The following SLC7A6OS variants were observed in gnomAD, a reference collection of about 807,000 sequenced individuals.
SLC7A6OS encodes the protein probable RNA polymerase II nuclear localization protein SLC7A6OS.
A neutral mutation model predicts 34.3 loss-of-function variants in SLC7A6OS; 22 were observed. The observed-to-expected ratio is 0.64, with a 90% CI of 0.46 to 0.92. The LOEUF (loss-of-function observed/expected upper bound fraction) is 0.92, where lower values mean the gene tolerates loss of function less well. Among genes scored for constraint, SLC7A6OS ranks in the 40% least tolerant of loss-of-function variants. SLC7A6OS has a pLI of 0.00. For missense variants in SLC7A6OS, 434 were observed against 407.7 expected (o/e 1.06, Z -0.56); for synonymous variants, 199 against 165.0 (o/e 1.21, Z -1.58).
chr16:68,304,337 T>C lies in SLC7A6OS; in HGVS notation c.472-105A>G, dbSNP rs1246815831. The stretch of plus-strand genomic sequence containing the variant: ...GAAGGAAGGCTCCCTACAGTTTTTT[T>C]TGAGACGGAGTCTCACTCTGTCGCC... On this transcript the variant is annotated intron_variant, in intron 2 of 4. Transcript: ENST00000263997. 2.9e-6 allele frequency: 3 copies of C among 1,032,190 alleles called. No individual in the cohort carries two copies. In the East Asian group the frequency reaches 7.3e-5, roughly 25 times the overall value. 63.9% of individuals were successfully genotyped at this position (1,032,190 alleles called of 1,614,324 possible).
intron 4 of SLC7A6OS, 122 bp downstream of exon 4, chr16:68,302,259 G>A (rs2043288851): frequency 8.5e-7 from 1 of 1,172,742 alleles, no homozygotes; most frequent in African/African-American, 1.5e-5. Flanking sequence ...TGGCTCAGTT[G>A]CGGCTGGGCT....
chr16:68,301,194 C>T lies in SLC7A6OS; in HGVS notation c.*81G>A. Reference sequence around the variant, plus strand: ...CCACATGTTAAGCTAGGAAACCTAACAGGATGTCAGCAGGGCAGTTAACTC... The same window carrying T: ...CCACATGTTAAGCTAGGAAACCTAATAGGATGTCAGCAGGGCAGTTAACTC... On this transcript the variant is annotated 3_prime_UTR_variant, in exon 5 of 5. Transcript: ENST00000263997. 1.1e-5 allele frequency: 17 copies of T among 1,533,128 alleles called. No individual in the cohort carries two copies. The highest frequency in any genetic ancestry group is 1.9e-5 in the Admixed American group (1 of 52,188). 95.0% of individuals were successfully genotyped at this position (1,533,128 alleles called of 1,614,324 possible). A position where few individuals can be genotyped will look rare whatever the true frequency, so the allele number is the denominator to read the frequency against.
chr16:68,300,568 CCT>C lies in SLC7A6OS; in HGVS notation c.*705_*706del, dbSNP rs535490788. 836 of 958,116 alleles carry C rather than the reference CCT, an allele frequency of 8.7e-4. 8 individuals carry two copies. The South Asian group carries it at 0.018, about 21-fold the overall frequency. The allele number at this position is 958,116 out of a possible 1,614,324, so 59.4% of individuals were successfully genotyped here. ...TGAACCTTCTATTTCACTACCGCTC[CCT>C]GTTTTAGATATTCAGATTTAAAAGG... is the stretch of plus-strand genomic sequence containing the variant. On this transcript the variant is annotated 3_prime_UTR_variant, in exon 5 of 5. Transcript: ENST00000263997.
Position 68,299,402 on chromosome 16 carries a change from T to A in SLC7A6OS, c.*1873A>T, listed in dbSNP as rs1038502866. On this transcript the variant is annotated 3_prime_UTR_variant, in exon 5 of 5. Coordinates refer to ENST00000263997, the MANE Select transcript of SLC7A6OS (RefSeq NM_032178.3). ...AGCCATGTCATCCTCCTTTCATTTTTGGATGGTGACAGCATTTTTCCCCTC... is the reference window on the plus strand; with the variant it reads ...AGCCATGTCATCCTCCTTTCATTTTAGGATGGTGACAGCATTTTTCCCCTC... 6.6e-5 allele frequency: 10 copies of A among 152,624 alleles called. No individual in the cohort carries two copies. Among genetic ancestry groups the A allele is most frequent in the Non-Finnish European group, 1.3e-4 (9 of 68,050 alleles). 9.5% of individuals were successfully genotyped at this position (152,624 alleles called of 1,614,324 possible).
chr16:68,304,230 T>G lies in SLC7A6OS; in HGVS notation c.474A>C (p.Thr158=), dbSNP rs958363610. Residue 158 remains threonine, a splice_region_variant and synonymous_variant, in exon 3 of 5, where the codon ACA becomes ACC. Coordinates refer to ENST00000263997, the MANE Select transcript of SLC7A6OS (RefSeq NM_032178.3). ...TGCAGAGGATCACATCTGGGTCAGA[T>G]GTCTGTAAAGAAACCACAGATTACA... ...PEAASAGSCK[T]SDPDVILCNS... is the part of the protein sequence containing the mutation. 6 of 1,614,096 alleles carry G rather than the reference T, an allele frequency of 3.7e-6. No homozygotes were observed. The Admixed American group carries it at 8.3e-5, about 22-fold the overall frequency.
chr16:68,301,032 T>C lies in SLC7A6OS; in HGVS notation c.*243A>G. 1 of 1,168,506 alleles carries C rather than the reference T, an allele frequency of 8.6e-7. No homozygotes were observed. Among genetic ancestry groups the C allele is most frequent in the Non-Finnish European group, 1.1e-6 (1 of 948,408 alleles). 72.4% of individuals were successfully genotyped at this position (1,168,506 alleles called of 1,614,324 possible). On this transcript the variant is annotated 3_prime_UTR_variant, in exon 5 of 5. Coordinates refer to ENST00000263997, the MANE Select transcript of SLC7A6OS (RefSeq NM_032178.3). ...GAAACCTTCCTTTTTTCAACGTTTT[T>C]TTTTCTTTCAAACTGTAGGGTCACT...
chr16:68,309,807 T>C (rs1210533570), intron 2 of SLC7A6OS, among the ~76,000 whole-genome samples: 1 of 152,186 alleles, frequency 6.6e-6, no homozygotes, highest in Admixed American at 6.5e-5. Flanking sequence ...TGCAAGTACC[T>C]AGCAGGCATC....
intron 4 of SLC7A6OS, 67 bp from the exon 5 acceptor site, chr16:68,301,472 C>T (rs2043274473): frequency 1.4e-6 from 2 of 1,460,696 alleles, no homozygotes; most frequent in Admixed American, 3.7e-5. Flanking sequence ...AGCCCCTTCT[C>T]TTCTCAGAAA....
At chr16:68,305,755 A>G (rs1346315324) in intron 2 of SLC7A6OS, among the ~76,000 whole-genome samples, 1 of 152,222 alleles carries the variant, frequency 6.6e-6, no homozygotes, top group Non-Finnish European at 1.5e-5. Flanking sequence ...CAGTCAAATT[A>G]TGCAGCCATT....
rs568401171 is a variant in SLC7A6OS, at chr16:68,310,446, C to A, written c.360G>T (p.Glu120Asp). Residue 120 changes from glutamate (E) to aspartate (D), a missense_variant, in exon 2 of 5, where the codon GAG (glutamate) becomes GAT (aspartate). Physicochemically the swap from Glu to Asp is conservative, Grantham distance 45. Transcript: ENST00000263997. ...RSLGTTSSGQESEYTPGNPEA... is the reference protein window; with the variant it reads ...RSLGTTSSGQDSEYTPGNPEA... ...CTGGGTTCCCCGGCGTGTACTCGGACTCCTGGCCGCTCGAGGTGGTCCCCA... is the reference window on the plus strand; with the variant it reads ...CTGGGTTCCCCGGCGTGTACTCGGAATCCTGGCCGCTCGAGGTGGTCCCCA... 1 of 1,603,414 alleles carries A rather than the reference C, an allele frequency of 6.2e-7. No homozygotes were observed. Among genetic ancestry groups the A allele is most frequent in the Non-Finnish European group, 8.5e-7 (1 of 1,175,364 alleles).
chr16:68,302,289 G>T, intron 4 of SLC7A6OS, 92 bp downstream of exon 4: 1 of 1,480,868 alleles, frequency 6.8e-7, no homozygotes, highest in Non-Finnish European at 9.2e-7. Context: ...CAATGACAGA[G>T]AAGGAAAGGC....
At position 68,301,419 on chromosome 16, in the gene SLC7A6OS, CCGGG is replaced by C. The variant is rs769170161; in HGVS notation, c.800-18_800-15del. ...AGTCAGCAGAGCCTAGAATGACATC[CCGGG>C]AGTGGATTCTAAATGTGATTTTCCT... is the stretch of plus-strand genomic sequence containing the variant. On this transcript the variant is annotated splice_polypyrimidine_tract_variant and intron_variant, in intron 4 of 4. Coordinates refer to ENST00000263997, the MANE Select transcript of SLC7A6OS (RefSeq NM_032178.3). The C allele has an allele frequency of 6.8e-6, 11 of 1,609,740 alleles. No individual in the cohort carries two copies. In the South Asian group the frequency reaches 1.2e-4, roughly 18 times the overall value.
intron 3 of SLC7A6OS, among the ~76,000 whole-genome samples, chr16:68,303,294 A>G (rs1023977945): frequency 5.6e-5 from 8 of 142,318 alleles, no homozygotes; most frequent in Non-Finnish European, 9.1e-5. Flanking sequence ...TAATGGTGTC[A>G]GCTAGGTGTG....
At chr16:68,304,283 T>A in intron 2 of SLC7A6OS, 51 bp from the exon 3 acceptor site, 1 of 1,531,736 alleles carries the variant, frequency 6.5e-7, no homozygotes, top group Non-Finnish European at 9.0e-7. Context: ...AAACATGATG[T>A]TCCAAGAGGA....
In SLC7A6OS at chr16:68,310,066, T is replaced by C. The variant is rs2863978; in HGVS notation, c.471+269A>G. Among the ~76,000 whole-genome samples, 97,878 of 152,152 alleles carry C rather than the reference T, an allele frequency of 0.64. 32,026 individuals carry two copies. The highest frequency in any genetic ancestry group is 0.78 in the East Asian group (4,050 of 5,180). Reference sequence around the variant, plus strand: ...CCCCGCCTCCTTACATCCCTTATCATCATCTGACACTGAATAGACTTGTTT... The same window carrying C: ...CCCCGCCTCCTTACATCCCTTATCACCATCTGACACTGAATAGACTTGTTT... On this transcript the variant is annotated intron_variant, in intron 2 of 4. Coordinates refer to ENST00000263997, the MANE Select transcript of SLC7A6OS (RefSeq NM_032178.3).
Position 68,300,044 on chromosome 16 carries a change from C to G in SLC7A6OS, c.*1231G>C, listed in dbSNP as rs2043242078. ...ACCTCCCTGTGTAACTCACCTTCCC[C>G]CATGACAGTGAGTAAGAGACACTCA... is the stretch of plus-strand genomic sequence containing the variant. On this transcript the variant is annotated 3_prime_UTR_variant, in exon 5 of 5. Coordinates refer to ENST00000263997, the MANE Select transcript of SLC7A6OS (RefSeq NM_032178.3). 6.6e-6 allele frequency: 1 copy of G among 152,108 alleles called. No homozygotes were observed. The highest frequency in any genetic ancestry group is 2.4e-5 in the African/African-American group (1 of 41,384). The allele number at this position is 152,108 out of a possible 1,614,324, so 9.4% of individuals were successfully genotyped here.
chr16:68,307,425 AAATTT>A (rs1322320375), intron 2 of SLC7A6OS, among the ~76,000 whole-genome samples: 6 of 152,212 alleles, frequency 3.9e-5, no homozygotes, highest in Admixed American at 6.5e-5. Flanking sequence ...ATTTCCTATT[AAATTT>A]ATCTAATAGG....
intron 4 of SLC7A6OS, chr16:68,301,624 C>T: frequency 2.6e-6 from 1 of 385,154 alleles, no homozygotes; most frequent in Non-Finnish European, 4.6e-6. Flanking sequence ...TTTGTCACTT[C>T]TCCCCTCCGT....
intron 2 of SLC7A6OS, among the ~76,000 whole-genome samples, chr16:68,307,695 A>G (rs919630928): frequency 6.6e-6 from 1 of 152,174 alleles, no homozygotes; most frequent in Non-Finnish European, 1.5e-5. Flanking sequence ...TTGCCTTGCC[A>G]GCATTGCTAT....
Sources: gnomAD v4.1 joint callset for allele counts (sites outside exome capture counted in the v4.1 genomes callset) on GRCh38, gnomAD v4.1.1 for gene constraint, MANE v1.5 for transcripts, NCBI Gene and HGNC (gene_info 2026-07-23, HGNC 2026-07-21) for gene names.